Variants in NPSR1 observed in about 807,000 individuals in gnomAD.
NPSR1 encodes the protein neuropeptide S receptor.
NPSR1 carries 48 observed loss-of-function variants against 46.9 expected under a neutral mutation model. The ratio of observed to expected loss-of-function variants is 1.02; its 90% CI spans 0.81 to 1.30. The LOEUF (loss-of-function observed/expected upper bound fraction) is 1.30. Ranked by LOEUF, NPSR1 falls within the 50% of genes most tolerant of loss-of-function variation. The pLI, the probability that NPSR1 is intolerant of heterozygous loss-of-function variation, is 0.00. For missense variants in NPSR1, 450 were observed against 449.5 expected (o/e 1.00, Z -0.01); for synonymous variants, 176 against 168.1 (o/e 1.05, Z -0.36).
chr7:34,725,101 A>T (rs903849998), intron 2 of NPSR1, among the ~76,000 whole-genome samples: 13 of 109,016 alleles, frequency 1.2e-4, no homozygotes, highest in African/African-American at 4.2e-4. Context: ...ACACAGACTC[A>T]CACACACACA....
chr7:34,680,080 C>A (rs982673078), intron 1 of NPSR1, among the ~76,000 whole-genome samples: 3 of 152,034 alleles, frequency 2.0e-5, no homozygotes, highest in Non-Finnish European at 4.4e-5. Context: ...CCAGAGAAAA[C>A]CTTATTGATT....
rs180859929 is a variant in NPSR1 at position 34,823,826 on chromosome 7, T to C, written c.479-3575T>C. Among the ~76,000 whole-genome samples the C allele has an allele frequency of 3.5e-3, 526 of 152,302 alleles. 3 individuals are homozygous for C. Among genetic ancestry groups the C allele is most frequent in the African/African-American group, 0.012 (509 of 41,564 alleles). On this transcript the variant is annotated intron_variant, in intron 4 of 8. Transcript: ENST00000360581. ...ATGTTATTTATCAGTGCTTTTCCAA[T>C]TGCACTTCCCACAGTGACCCCCAGA...
chr7:34,792,477 T>C (rs2128744158), intron 3 of NPSR1, among the ~76,000 whole-genome samples: 1 of 147,016 alleles, frequency 6.8e-6, no homozygotes, highest in African/African-American at 2.5e-5. Context: ...CAGGGAAACA[T>C]GGCAAACCCC....
chr7:34,791,124 TATATGTTATATATTATATATA>T lies in NPSR1; in HGVS notation c.384+12580_384+12600del, dbSNP rs1191876787. Among the ~76,000 whole-genome samples the T allele has an allele frequency of 3.2e-4, 36 of 110,806 alleles. 2 individuals carry two copies. Among genetic ancestry groups the T allele is most frequent in the South Asian group, 1.5e-3 (6 of 3,908 alleles). 72.7% of individuals were successfully genotyped at this position (110,806 alleles called of 152,430 possible). A position where few individuals can be genotyped will look rare whatever the true frequency, so the allele number is the denominator to read the frequency against. ...ATATAATATGTTATATAATATAATA[TATATGTTATATATTATATATA>T]ATATGTTATATATTATATATGTTAT... is the stretch of plus-strand genomic sequence containing the variant. On this transcript the variant is annotated intron_variant, in intron 3 of 8. Transcript: ENST00000360581.
At chr7:34,844,009 G>A (rs1386727102) in intron 6 of NPSR1, among the ~76,000 whole-genome samples, 3 of 152,226 alleles carry the variant, frequency 2.0e-5, no homozygotes, top group Non-Finnish European at 4.4e-5. Context: ...CAGAGCAAGG[G>A]CCCCTTTTCC....
chr7:34,750,489 A>T, intron 2 of NPSR1: 2 of 720,692 alleles, frequency 2.8e-6, no homozygotes, highest in South Asian at 2.8e-5. Context: ...TGGTGCCTAC[A>T]AACAGTGGAT....
intron 2 of NPSR1, among the ~76,000 whole-genome samples, chr7:34,707,050 A>G (rs1346879785): frequency 6.6e-6 from 1 of 152,220 alleles, no homozygotes. Context: ...ACTAAAAAGA[A>G]TAACTGTTCT....
At chr7:34,728,943 C>T (rs1388248394) in intron 2 of NPSR1, 1 of 152,456 alleles carries the variant, frequency 6.6e-6, no homozygotes, top group African/African-American at 2.4e-5. Context: ...ATTTACTCCT[C>T]CAGCTCCCAA....
chr7:34,817,840 C>CA (rs1789323852), intron 4 of NPSR1, among the ~76,000 whole-genome samples: 1 of 152,094 alleles, frequency 6.6e-6, no homozygotes, highest in Admixed American at 6.5e-5. Context: ...TCAATAGATA[C>CA]AAAAAAGGCC....
At chr7:34,782,730 TA>T (rs981692482) in intron 3 of NPSR1, among the ~76,000 whole-genome samples, 13 of 151,914 alleles carry the variant, frequency 8.6e-5, no homozygotes, top group African/African-American at 2.9e-4. Context: ...AAAATAAACA[TA>T]AAAAAACAGA....
intron 2 of NPSR1, among the ~76,000 whole-genome samples, chr7:34,727,901 T>C (rs1363327424): frequency 6.6e-6 from 1 of 151,656 alleles, no homozygotes; most frequent in Non-Finnish European, 1.5e-5. Flanking sequence ...TAATATAACA[T>C]AAAAGTGGAG....
chr7:34,760,876 T>C (rs1300800172), intron 2 of NPSR1, among the ~76,000 whole-genome samples: 1 of 152,162 alleles, frequency 6.6e-6, no homozygotes, highest in Non-Finnish European at 1.5e-5. Flanking sequence ...CAGTGATTCT[T>C]AGACCTCTAA....
intron 2 of NPSR1, among the ~76,000 whole-genome samples, chr7:34,734,532 C>A (rs934806733): frequency 1.3e-5 from 2 of 152,108 alleles, no homozygotes; most frequent in African/African-American, 4.8e-5. Context: ...CAAATCTAAC[C>A]TGCCCTCTCC....
chr7:34,735,793 C>T lies in NPSR1; in HGVS notation c.281-42669C>T, dbSNP rs1021672834. Among the ~76,000 whole-genome samples, 3 of 151,936 alleles carry T rather than the reference C, an allele frequency of 2.0e-5. No homozygotes were observed. The South Asian group carries it at 6.2e-4, about 32-fold the overall frequency. On this transcript the variant is annotated intron_variant, in intron 2 of 8. Transcript: ENST00000360581. ...GGGGCTATTTATAACAACAGAAAAC[C>T]GTAAACAACTTAAATATCCAGCATT...
At chr7:34,660,072 A>G (rs954641061) in intron 1 of NPSR1, 6 of 455,942 alleles carry the variant, frequency 1.3e-5, no homozygotes, top group Non-Finnish European at 2.2e-5. Context: ...GAATATGTGA[A>G]GAAACAAATC....
intron 2 of NPSR1, among the ~76,000 whole-genome samples, chr7:34,716,678 T>A (rs2022143): frequency 0.23 from 34,464 of 152,028 alleles, 4,200 homozygotes; most frequent in East Asian, 0.39. Flanking sequence ...TATCACCAGG[T>A]TTTTTTAAAC....
chr7:34,825,526 C>G (rs1789783571), intron 4 of NPSR1, among the ~76,000 whole-genome samples: 1 of 152,170 alleles, frequency 6.6e-6, no homozygotes, highest in Non-Finnish European at 1.5e-5. Flanking sequence ...GATGTAAAAC[C>G]TGCATCATGA....
chr7:34,850,568 T>C (rs2128765756), downstream of NPSR1, among the ~76,000 whole-genome samples: 1 of 152,198 alleles, frequency 6.6e-6, no homozygotes, highest in Non-Finnish European at 1.5e-5. Flanking sequence ...GCCTGGCTAA[T>C]TTTTTGTATT....
chr7:34,696,117 A>G (rs1380195830), intron 2 of NPSR1, among the ~76,000 whole-genome samples: 2 of 151,462 alleles, frequency 1.3e-5, no homozygotes, highest in African/African-American at 2.4e-5. Context: ...TATATACACC[A>G]TAGAATACTA....
Sources: gnomAD v4.1 joint callset for allele counts (sites outside exome capture counted in the v4.1 genomes callset) on GRCh38, gnomAD v4.1.1 for gene constraint, MANE v1.5 for transcripts, NCBI Gene and HGNC (gene_info 2026-07-23, HGNC 2026-07-21) for gene names.